PID1: variants seen among roughly 807,000 people sequenced by gnomAD.
PID1 encodes the protein phosphotyrosine interaction domain containing 1.
Under a neutral mutation model 19.1 loss-of-function variants are expected in PID1, and 10 were observed. The ratio of observed to expected loss-of-function variants is 0.52; its 90% CI spans 0.32 to 0.89. The LOEUF (loss-of-function observed/expected upper bound fraction) is 0.89, where lower values mean the gene tolerates loss of function less well. Among genes scored for constraint, PID1 ranks in the 40% least tolerant of loss-of-function variants. The pLI is 0.03. For missense variants in PID1, 248 were observed against 285.3 expected, an observed-to-expected ratio of 0.87 and a Z score of 0.94; for synonymous variants, 130 against 116.0, an observed-to-expected ratio of 1.12 and a Z score of -0.78.
chr2:229,177,683 A>G (rs566854991), intron 1 of PID1, among the ~76,000 whole-genome samples: 5 of 152,330 alleles, frequency 3.3e-5, no homozygotes, highest in African/African-American at 1.2e-4. Context: ...AATGTTGATC[A>G]GACAGACTAG....
At chr2:229,065,396 C>T (rs1361869435) in intron 2 of PID1, among the ~76,000 whole-genome samples, 2 of 152,112 alleles carry the variant, frequency 1.3e-5, no homozygotes, top group African/African-American at 4.8e-5. Context: ...TTAGATCCTG[C>T]AGAAAGATTA....
chr2:229,159,038 T>C (rs1419953), intron 1 of PID1, among the ~76,000 whole-genome samples: 93,925 of 151,998 alleles, frequency 0.62, 29,688 homozygotes, highest in East Asian at 0.88. Flanking sequence ...AGCAGGGTGA[T>C]TGTAGGCAAT....
At chr2:229,252,620 G>A (rs1164116249) in intron 1 of PID1, among the ~76,000 whole-genome samples, 1 of 152,082 alleles carries the variant, frequency 6.6e-6, no homozygotes, top group African/African-American at 2.4e-5. Flanking sequence ...TAAATTAGTA[G>A]GTTTTTTAAA....
intron 1 of PID1, among the ~76,000 whole-genome samples, chr2:229,192,224 T>TA (rs1469356148): frequency 1.3e-5 from 2 of 152,206 alleles, no homozygotes; most frequent in Non-Finnish European, 2.9e-5. Context: ...GTACCTTTTT[T>TA]ATCCTCTCTG....
intron 1 of PID1, among the ~76,000 whole-genome samples, chr2:229,164,403 T>G (rs192843779): frequency 6.1e-4 from 93 of 152,230 alleles, no homozygotes; most frequent in African/African-American, 2.1e-3. Flanking sequence ...GATAGAATAA[T>G]AATATAACAC....
At chr2:229,107,690 C>G (rs942884277) in intron 2 of PID1, among the ~76,000 whole-genome samples, 1 of 151,994 alleles carries the variant, frequency 6.6e-6, no homozygotes, top group African/African-American at 2.4e-5. Context: ...CATTTTGAAA[C>G]AGGAGAAAAT....
intron 1 of PID1, among the ~76,000 whole-genome samples, chr2:229,250,399 T>A (rs931482797): frequency 3.3e-5 from 5 of 152,198 alleles, no homozygotes; most frequent in Admixed American, 2.0e-4. Flanking sequence ...TGATACCATA[T>A]CAGACCCAGT....
At chr2:229,200,737 T>G (rs939693817) in intron 1 of PID1, among the ~76,000 whole-genome samples, 1 of 152,068 alleles carries the variant, frequency 6.6e-6, no homozygotes, top group African/African-American at 2.4e-5. Context: ...CAGAAACGTT[T>G]AATAATCTCT....
At chr2:229,028,280 A>G (rs1261936291) in intron 2 of PID1, among the ~76,000 whole-genome samples, 1 of 152,228 alleles carries the variant, frequency 6.6e-6, no homozygotes, top group Non-Finnish European at 1.5e-5. Flanking sequence ...ATTCATATAT[A>G]CCTTATACAC....
In PID1 at chr2:229,025,789, G is replaced by A; in HGVS notation, c.497C>T (p.Ala166Val). The A allele has an allele frequency of 6.2e-7, 1 of 1,614,252 alleles. No homozygotes were observed. The highest frequency in any genetic ancestry group is 8.5e-7 in the Non-Finnish European group (1 of 1,180,038). The change falls in exon 3 of 3, where the codon GCC (alanine) becomes GTC (valine). Residue 166 changes from alanine (A) to valine (V), a missense_variant. Coordinates refer to ENST00000392055, the MANE Select transcript of PID1 (RefSeq NM_001100818.2). ...DDLSYQMDCH[A>V]VECESKLEAK... ...CTCGAGCTTGCTCTCGCACTCCACG[G>A]CGTGGCAGTCCATCTGGTAGGACAG...
rs1252080411 is a variant in PID1 at position 229,024,627 on chromosome 2, G to A, written c.*1005C>T. ...TGCAATGCTGAGTGATGGGGGCAAGGTTTCCTCGGTGATACCAAATCAGAT... is the reference window on the plus strand; with the variant it reads ...TGCAATGCTGAGTGATGGGGGCAAGATTTCCTCGGTGATACCAAATCAGAT... On this transcript the variant is annotated 3_prime_UTR_variant, in exon 3 of 3. Transcript: ENST00000392055. 6.6e-6 allele frequency: 1 copy of A among 152,604 alleles called. No individual in the cohort carries two copies. Among genetic ancestry groups the A allele is most frequent in the Non-Finnish European group, 1.5e-5 (1 of 68,038 alleles). The allele number at this position is 152,604 out of a possible 1,614,324, so 9.5% of individuals were successfully genotyped here.
intron 2 of PID1, among the ~76,000 whole-genome samples, chr2:229,093,825 A>G (rs922302265): frequency 3.3e-5 from 5 of 152,186 alleles, no homozygotes; most frequent in Admixed American, 3.3e-4. Flanking sequence ...TAAATGTCAT[A>G]TATGACAAAC....
rs974621436 is a variant in PID1 at position 229,110,265 on chromosome 2, A to T, written c.177+45553T>A. On this transcript the variant is annotated intron_variant, in intron 2 of 2. Coordinates refer to ENST00000392055, the MANE Select transcript of PID1 (RefSeq NM_001100818.2). ...GTGGGGTGAATCAGGACTCAGAGTTAGCTGTGGAAGTGATGAAAGCCCACC... is the reference window on the plus strand; with the variant it reads ...GTGGGGTGAATCAGGACTCAGAGTTTGCTGTGGAAGTGATGAAAGCCCACC... 2.0e-5 allele frequency among the ~76,000 whole-genome samples: 3 copies of T among 152,184 alleles called. No individual in the cohort carries two copies. The East Asian group carries it at 5.8e-4, about 29-fold the overall frequency.
intron 1 of PID1, among the ~76,000 whole-genome samples, chr2:229,199,720 T>TTATATATATATATATATA (rs55942947): frequency 6.8e-5 from 9 of 132,168 alleles, no homozygotes; most frequent in Admixed American, 2.3e-4. Flanking sequence ...AATATCTAAT[T>TTATATATATATATATATA]TATATATATA....
intron 2 of PID1, among the ~76,000 whole-genome samples, chr2:229,149,007 C>A (rs1034262921): frequency 6.7e-6 from 1 of 149,608 alleles, no homozygotes; most frequent in African/African-American, 2.5e-5. Context: ...ATGAAAATAT[C>A]AATGGAAACC....
chr2:229,256,165 T>G (rs1690289653), intron 1 of PID1, among the ~76,000 whole-genome samples: 2 of 152,142 alleles, frequency 1.3e-5, no homozygotes, highest in African/African-American at 4.8e-5. Flanking sequence ...CTCAGTGAGA[T>G]GCACCAAGGA....
rs9653269 is a variant in PID1, at chr2:229,139,185, C to T, written c.177+16633G>A. ...AGCAAGCGAGCTTCCCTTGACCAAA[C>T]ACTCCCTTGGAATACATGTATTTTT... is the stretch of plus-strand genomic sequence containing the variant. On this transcript the variant is annotated intron_variant, in intron 2 of 2. Coordinates refer to ENST00000392055, the MANE Select transcript of PID1 (RefSeq NM_001100818.2). Among the ~76,000 whole-genome samples the T allele has an allele frequency of 8.6e-3, 1,303 of 151,342 alleles. 122 individuals carry two copies. The highest frequency in any genetic ancestry group is 0.03 in the African/African-American group (1,242 of 40,800).
intron 1 of PID1, among the ~76,000 whole-genome samples, chr2:229,181,982 T>C (rs1387803486): frequency 6.6e-6 from 1 of 152,192 alleles, no homozygotes; most frequent in Non-Finnish European, 1.5e-5. Flanking sequence ...ATGATTCCAA[T>C]TATAAGACAT....
In PID1 at chr2:229,136,780, C is replaced by G. The variant is rs188352799; in HGVS notation, c.177+19038G>C. ...CCCTGAGAAAATTCAGACAAATCTT[C>G]TCTTGAAATTCTCTGCCCTCCTTTA... On this transcript the variant is annotated intron_variant, in intron 2 of 2. Transcript: ENST00000392055. Among the ~76,000 whole-genome samples, 3 of 152,278 alleles carry G rather than the reference C, an allele frequency of 2.0e-5. No homozygotes were observed. The East Asian group carries it at 5.8e-4, about 29-fold the overall frequency.
Sources: allele counts gnomAD v4.1 joint callset (sites outside exome capture counted in the v4.1 genomes callset), GRCh38; gene constraint gnomAD v4.1.1; transcripts MANE v1.5; gene names NCBI Gene and HGNC (gene_info 2026-07-23, HGNC 2026-07-21).